Variants in SYNPR observed in about 807,000 individuals in gnomAD.
SYNPR encodes synaptoporin.
Under a neutral mutation model 32.9 loss-of-function variants are expected in SYNPR, and 23 were observed. That is an observed-to-expected ratio of 0.70 (90% CI 0.50 to 0.99). SYNPR has a LOEUF of 0.99. SYNPR is among the 50% of genes least tolerant of loss of function. SYNPR has a pLI of 0.00. For missense variants in SYNPR, 318 were observed against 349.3 expected (o/e 0.91, Z 0.71); for synonymous variants, 146 against 135.9 (o/e 1.07, Z -0.52).
At chr3:63,487,052 T>G (rs188039634) in intron 3 of SYNPR, among the ~76,000 whole-genome samples, 130 of 152,272 alleles carry the variant, frequency 8.5e-4, no homozygotes, top group Non-Finnish European at 1.6e-3. Flanking sequence ...CTTACAACCT[T>G]TCTCCTCGAA....
At chr3:63,602,248 T>G (rs906955112) in intron 4 of SYNPR, among the ~76,000 whole-genome samples, 1 of 152,128 alleles carries the variant, frequency 6.6e-6, no homozygotes, top group Non-Finnish European at 1.5e-5. Context: ...GATATTAGAC[T>G]TTTGACAGAT....
At chr3:63,599,127 C>T (rs1455774212) in intron 4 of SYNPR, among the ~76,000 whole-genome samples, 1 of 152,090 alleles carries the variant, frequency 6.6e-6, no homozygotes, top group Non-Finnish European at 1.5e-5. Context: ...AATGGATCAC[C>T]AACAATATAT....
At chr3:63,493,567 G>A (rs986855221) in intron 3 of SYNPR, among the ~76,000 whole-genome samples, 3 of 151,982 alleles carry the variant, frequency 2.0e-5, no homozygotes, top group African/African-American at 4.8e-5. Context: ...TGTAATCCAA[G>A]CACTTTGGGA....
rs549658876 is a variant in SYNPR at position 63,460,709 on chromosome 3, T to C, written c.85-20123T>C. Among the ~76,000 whole-genome samples the C allele has an allele frequency of 1.7e-3, 263 of 151,788 alleles. 5 individuals are homozygous for C. The highest frequency in any genetic ancestry group is 6.2e-3 in the African/African-American group (255 of 41,388). ...TGAAGACCGAAAGCCTTGAATGCCA[T>C]GCTAAGGAACTTAGAATCTATCTGG... On this transcript the variant is annotated intron_variant, in intron 2 of 5. Transcript: ENST00000478300.
At chr3:63,487,712 CT>C (rs1701182043) in intron 3 of SYNPR, among the ~76,000 whole-genome samples, 1 of 152,174 alleles carries the variant, frequency 6.6e-6, no homozygotes, top group Non-Finnish European at 1.5e-5. Flanking sequence ...TGTATTAAGA[CT>C]TTTTAAAAAA....
At chr3:63,403,991 A>T (rs921104511) in intron 2 of SYNPR, among the ~76,000 whole-genome samples, 2 of 152,184 alleles carry the variant, frequency 1.3e-5, no homozygotes, top group Non-Finnish European at 2.9e-5. Flanking sequence ...ATCAGTTGAT[A>T]ATATTTAGAA....
chr3:63,323,422 T>C (rs747948300), intron 2 of SYNPR, among the ~76,000 whole-genome samples: 4 of 152,140 alleles, frequency 2.6e-5, no homozygotes, highest in Non-Finnish European at 5.9e-5. Flanking sequence ...TTTATTGAGT[T>C]TCTACTATGG....
rs1167110533 is a variant in SYNPR, at chr3:63,400,693, G to A, written c.85-80139G>A. On this transcript the variant is annotated intron_variant, in intron 2 of 5. Transcript: ENST00000478300. Reference sequence around the variant, plus strand: ...GAACTGAGCCCACACTTAAAGGGAGGGGAATTAGGCTCCACCACTCAAAGA... The same window carrying A: ...GAACTGAGCCCACACTTAAAGGGAGAGGAATTAGGCTCCACCACTCAAAGA... Among the ~76,000 whole-genome samples the A allele has an allele frequency of 5.3e-5, 8 of 152,284 alleles. 1 individual carries two copies. Among genetic ancestry groups the A allele is most frequent in the East Asian group, 1.9e-4 (1 of 5,180 alleles).
intron 2 of SYNPR, among the ~76,000 whole-genome samples, chr3:63,373,712 A>T (rs935833562): frequency 1.3e-5 from 2 of 152,280 alleles, no homozygotes; most frequent in East Asian, 1.9e-4. Context: ...CATTCAAATT[A>T]AGGAAACACA....
rs79311150 is a variant in SYNPR at position 63,593,826 on chromosome 3, A to G, written c.409-15299A>G. On this transcript the variant is annotated intron_variant, in intron 4 of 5. Transcript: ENST00000478300. ...CAATAGTGTATCTTGCAGTTCTTACATGAAACAACTCAGGCAGAGTATAGG... is the reference window on the plus strand; with the variant it reads ...CAATAGTGTATCTTGCAGTTCTTACGTGAAACAACTCAGGCAGAGTATAGG... Among the ~76,000 whole-genome samples, 425 of 152,278 alleles carry G rather than the reference A, an allele frequency of 2.8e-3. 11 individuals carry two copies. The East Asian group carries it at 0.059, about 21-fold the overall frequency.
At chr3:63,331,324 A>T (rs188720213) in intron 2 of SYNPR, among the ~76,000 whole-genome samples, 98 of 152,334 alleles carry the variant, frequency 6.4e-4, no homozygotes, top group African/African-American at 2.1e-3. Flanking sequence ...CTTCTAAGGC[A>T]GCCACAAATA....
At chr3:63,209,767 C>T in the SYNPR span, among the ~76,000 whole-genome samples, 31 of 152,316 alleles carry the variant, frequency 2.0e-4, no homozygotes, top group Non-Finnish European at 3.1e-4. Context: ...TACACACGCT[C>T]ATAGCATCCT....
intron 2 of SYNPR, among the ~76,000 whole-genome samples, chr3:63,312,875 C>A (rs1485954067): frequency 1.3e-5 from 2 of 152,028 alleles, no homozygotes; most frequent in Non-Finnish European, 2.9e-5. Context: ...CCTCCACTCT[C>A]CCCAGGGTGA....
intron 2 of SYNPR, among the ~76,000 whole-genome samples, chr3:63,448,710 C>G (rs1243619735): frequency 6.6e-6 from 1 of 152,070 alleles, no homozygotes; most frequent in African/African-American, 2.4e-5. Flanking sequence ...TACCATGTGC[C>G]AGGCACCATG....
chr3:63,224,738 G>A (rs1010361104), upstream of SYNPR, among the ~76,000 whole-genome samples: 1 of 152,196 alleles, frequency 6.6e-6, no homozygotes, highest in Non-Finnish European at 1.5e-5. Context: ...GAGAAATTGA[G>A]GAGAGAAGGA....
At chr3:63,592,580 T>G (rs962446700) in intron 4 of SYNPR, among the ~76,000 whole-genome samples, 8 of 152,102 alleles carry the variant, frequency 5.3e-5, no homozygotes, top group African/African-American at 1.9e-4. Context: ...TTGTCTCTAT[T>G]CTATTGTAAT....
chr3:63,238,206 T>C (rs192494637), intron 1 of SYNPR, among the ~76,000 whole-genome samples: 226 of 152,204 alleles, frequency 1.5e-3, no homozygotes, highest in African/African-American at 4.8e-3. Flanking sequence ...TCACCTTTGG[T>C]TGTCCCTTGT....
At chr3:63,316,871 G>T (rs2087048407) in intron 2 of SYNPR, among the ~76,000 whole-genome samples, 2 of 151,934 alleles carry the variant, frequency 1.3e-5, no homozygotes, top group South Asian at 2.1e-4. Context: ...GGTGCTTAGG[G>T]CTATGAACTT....
At chr3:63,286,268 G>A (rs1036122359) in intron 2 of SYNPR, among the ~76,000 whole-genome samples, 12 of 151,448 alleles carry the variant, frequency 7.9e-5, no homozygotes, top group African/African-American at 2.9e-4. Flanking sequence ...AGAATTGCAA[G>A]CACTTGGCCT....
Sources: gnomAD v4.1 joint callset for allele counts (sites outside exome capture counted in the v4.1 genomes callset) on GRCh38, gnomAD v4.1.1 for gene constraint, MANE v1.5 for transcripts, NCBI Gene and HGNC (gene_info 2026-07-23, HGNC 2026-07-21) for gene names.